ATL3: variants seen among roughly 807,000 people sequenced by gnomAD.
ATL3 encodes the protein atlastin-3.
ATL3 carries 49 observed loss-of-function variants against 69.5 expected under a neutral mutation model. The ratio of observed to expected loss-of-function variants is 0.71; its 90% CI spans 0.56 to 0.89. ATL3 has a LOEUF of 0.89. Ranked by LOEUF, ATL3 falls within the 40% of genes least tolerant of loss-of-function variation. The pLI, the probability that ATL3 is intolerant of heterozygous loss-of-function variation, is 0.00. For synonymous variants in ATL3, 214 were observed against 224.1 expected (o/e 0.95, Z 0.40); for missense variants, 606 against 645.7 (o/e 0.94, Z 0.67).
intron 5 of ATL3, among the ~76,000 whole-genome samples, 200 bp downstream of exon 5, chr11:63,651,736 C>T (rs1940086445): frequency 6.6e-6 from 1 of 152,144 alleles, no homozygotes; most frequent in African/African-American, 2.4e-5. Flanking sequence ...TTCTTTCATT[C>T]TCTGCTCAAA....
chr11:63,637,193 T>A (rs554341369), intron 8 of ATL3, among the ~76,000 whole-genome samples: 1 of 151,492 alleles, frequency 6.6e-6, no homozygotes, highest in African/African-American at 2.4e-5. Context: ...AGAGAATAGC[T>A]TGAACCCGGA....
chr11:63,645,406 A>T (rs962766772), intron 6 of ATL3, among the ~76,000 whole-genome samples: 2 of 152,116 alleles, frequency 1.3e-5, no homozygotes, highest in East Asian at 1.9e-4. Flanking sequence ...TCTCAAAAAA[A>T]AAAAATAAAT....
chr11:63,636,954 C>T (rs530398029), intron 8 of ATL3, among the ~76,000 whole-genome samples: 1 of 152,216 alleles, frequency 6.6e-6, no homozygotes, highest in Admixed American at 6.5e-5. Flanking sequence ...ATCTGGTCTA[C>T]TCCCTAGCCT....
chr11:63,630,399 C>A (rs1361292197), intron 12 of ATL3, among the ~76,000 whole-genome samples: 1 of 145,414 alleles, frequency 6.9e-6, no homozygotes, highest in African/African-American at 2.6e-5. Context: ...TTCACTCCAG[C>A]CTGGGCAAAA....
intron 8 of ATL3, among the ~76,000 whole-genome samples, chr11:63,639,347 T>G (rs1291053058): frequency 6.6e-6 from 1 of 152,220 alleles, no homozygotes; most frequent in East Asian, 1.9e-4. Context: ...TCATGAACAA[T>G]CCTCATAATA....
intron 8 of ATL3, among the ~76,000 whole-genome samples, chr11:63,638,027 T>C (rs1253927217): frequency 6.6e-6 from 1 of 152,164 alleles, no homozygotes; most frequent in Non-Finnish European, 1.5e-5. Flanking sequence ...AAAACCTTTT[T>C]GTATGGTTTC....
chr11:63,645,540 CAG>C (rs113638692), intron 6 of ATL3, among the ~76,000 whole-genome samples: 107 of 149,670 alleles, frequency 7.1e-4, no homozygotes, highest in East Asian at 2.7e-3. Context: ...AGACTTTTTG[CAG>C]AGAGAGAGAG....
At position 63,643,414 on chromosome 11, in the gene ATL3, A is replaced by G; in HGVS notation, c.793T>C (p.Leu265=). 6.2e-7 allele frequency: 1 copy of G among 1,611,740 alleles called. No individual in the cohort carries two copies. The highest frequency in any genetic ancestry group is 8.5e-7 in the Non-Finnish European group (1 of 1,178,866). Reference sequence around the variant, plus strand: ...GCCACCTGGAGTCCTGGATGTGGTAAGAGAAAGCAGGTGACATCGGAGAAA... The same window carrying G: ...GCCACCTGGAGTCCTGGATGTGGTAGGAGAAAGCAGGTGACATCGGAGAAA... The part of the protein sequence containing the change: ...SCFSDVTCFL[L]PHPGLQVATS... The change falls in exon 8 of 13, where the codon TTA becomes CTA. Residue 265 remains leucine, a synonymous_variant. Transcript: ENST00000398868.
chr11:63,642,577 T>G (rs1035951469), intron 8 of ATL3, among the ~76,000 whole-genome samples: 1 of 152,222 alleles, frequency 6.6e-6, no homozygotes, highest in African/African-American at 2.4e-5. Context: ...TGGATGTAGA[T>G]CTACGCCTCA....
chr11:63,668,887 A>G (rs1441986453), intron 1 of ATL3, among the ~76,000 whole-genome samples: 1 of 150,668 alleles, frequency 6.6e-6, no homozygotes, highest in Non-Finnish European at 1.5e-5. Context: ...GAAAAAAGAA[A>G]AAAAAAAAGG....
intron 1 of ATL3, 39 bp from the exon 2 acceptor site, chr11:63,659,291 T>C (rs1940354172): frequency 6.3e-7 from 1 of 1,575,220 alleles, no homozygotes; most frequent in Admixed American, 1.7e-5. Context: ...TGTCAAATAT[T>C]TAAAATATGT....
intron 1 of ATL3, among the ~76,000 whole-genome samples, chr11:63,664,171 AAC>A (rs1940505271): frequency 6.6e-6 from 1 of 152,210 alleles, no homozygotes; most frequent in Non-Finnish European, 1.5e-5. Context: ...CAGCCAACAC[AAC>A]AGTCTTCCAG....
At chr11:63,658,569 C>T (rs1940327929) in intron 3 of ATL3, among the ~76,000 whole-genome samples, 192 bp downstream of exon 3, 1 of 152,220 alleles carries the variant, frequency 6.6e-6, no homozygotes, top group Non-Finnish European at 1.5e-5. Flanking sequence ...ACTTCGCATA[C>T]CTGTGTCAGA....
intron 5 of ATL3, among the ~76,000 whole-genome samples, chr11:63,650,119 T>C (rs904471894): frequency 2.0e-5 from 3 of 152,180 alleles, no homozygotes; most frequent in Non-Finnish European, 4.4e-5. Context: ...ATAATGCCTT[T>C]ATGATTTTGT....
intron 11 of ATL3, chr11:63,632,405 G>C: frequency 1.2e-6 from 1 of 849,802 alleles, no homozygotes; most frequent in Non-Finnish European, 2.1e-6. Flanking sequence ...CATTTTGATA[G>C]TATCCAAAGA....
chr11:63,661,631 C>T (rs900192309), intron 1 of ATL3, among the ~76,000 whole-genome samples: 1 of 151,688 alleles, frequency 6.6e-6, no homozygotes, highest in Admixed American at 6.6e-5. Context: ...GGCTCACCTG[C>T]GCAATCCCAG....
Position 63,628,056 on chromosome 11 carries a change from T to C in ATL3, c.*1263A>G, listed in dbSNP as rs1434283340. On this transcript the variant is annotated 3_prime_UTR_variant, in exon 13 of 13. Transcript: ENST00000398868. ...AATATTTGTATCTTCCCTCTAATCC[T>C]TAATAAAGTTCTGTTCTTATGCAGA... is the stretch of plus-strand genomic sequence containing the variant. The C allele has an allele frequency of 5.9e-5, 9 of 152,204 alleles. No individual in the cohort carries two copies. The highest frequency in any genetic ancestry group is 1.3e-4 in the Non-Finnish European group (9 of 68,030). 9.4% of individuals were successfully genotyped at this position (152,204 alleles called of 1,614,324 possible). A position where few individuals can be genotyped will look rare whatever the true frequency, so the allele number is the denominator to read the frequency against.
Position 63,635,517 on chromosome 11 carries a change from G to A in ATL3, c.1035+17C>T, listed in dbSNP as rs951423011. The A allele has an allele frequency of 1.2e-6, 2 of 1,606,892 alleles. No individual in the cohort carries two copies. The highest frequency in any genetic ancestry group is 2.2e-5 in the East Asian group (1 of 44,834). ...GTAATTTAAGGGTAGCGTTTAGGATGTCAAATCATTGTTTACCTGAAGCAT... is the reference window on the plus strand; with the variant it reads ...GTAATTTAAGGGTAGCGTTTAGGATATCAAATCATTGTTTACCTGAAGCAT... On this transcript the variant is annotated intron_variant, in intron 10 of 12. Transcript: ENST00000398868.
intron 10 of ATL3, among the ~76,000 whole-genome samples, chr11:63,634,038 C>CAAAAAAAA (rs1158615731): frequency 3.9e-5 from 3 of 76,096 alleles, no homozygotes; most frequent in Non-Finnish European, 7.8e-5. Flanking sequence ...CTGTCTCAAA[C>CAAAAAAAA]AAAAAAAAAA....
Sources: gnomAD v4.1 joint callset for allele counts (sites outside exome capture counted in the v4.1 genomes callset) on GRCh38, gnomAD v4.1.1 for gene constraint, MANE v1.5 for transcripts, NCBI Gene and HGNC (gene_info 2026-07-23, HGNC 2026-07-21) for gene names.